TENM3: variants seen among roughly 807,000 people sequenced by gnomAD.
TENM3 encodes the protein teneurin-3.
A neutral mutation model predicts 255.1 loss-of-function variants in TENM3; 63 were observed. The observed-to-expected ratio is 0.25, with a 90% CI of 0.20 to 0.30. The LOEUF (loss-of-function observed/expected upper bound fraction) is 0.30, where lower values mean the gene tolerates loss of function less well. Ranked by LOEUF, TENM3 falls within the 10% of genes least tolerant of loss-of-function variation. TENM3 has a pLI of 1.00. For missense variants in TENM3, 2,929 were observed against 3,461.1 expected (o/e 0.85, Z 3.86); for synonymous variants, 1,306 against 1,322.3 (o/e 0.99, Z 0.27).
At chr4:182,734,712 C>T (rs1462104298) in intron 16 of TENM3, among the ~76,000 whole-genome samples, 3 of 152,098 alleles carry the variant, frequency 2.0e-5, no homozygotes, top group African/African-American at 7.2e-5. Flanking sequence ...GTTTATTTTC[C>T]CACTTTGGCT....
At chr4:182,441,175 T>G (rs1772453042) in intron 3 of TENM3, among the ~76,000 whole-genome samples, 3 of 152,158 alleles carry the variant, frequency 2.0e-5, no homozygotes, top group Non-Finnish European at 4.4e-5. Flanking sequence ...ATGTTCGGTT[T>G]TATAATCCTG....
the TENM3 span, among the ~76,000 whole-genome samples, chr4:181,573,516 A>C: frequency 6.6e-6 from 1 of 152,326 alleles, no homozygotes; most frequent in African/African-American, 2.4e-5. Flanking sequence ...ATGTGGTAAT[A>C]ATGATATAAA....
At position 182,627,654 on chromosome 4, in the gene TENM3, TGG is replaced by T. The variant is rs67359309; in HGVS notation, c.750-996_750-995del. 4.1e-4 allele frequency among the ~76,000 whole-genome samples: 63 copies of T among 152,204 alleles called. 1 individual carries two copies. On this transcript the variant is annotated intron_variant, in intron 4 of 27. Transcript: ENST00000511685. ...CTTACTGAATATACTGTATATTCAG[TGG>T]ATACTCACTGAATATACTGTAAGTA...
the TENM3 span, among the ~76,000 whole-genome samples, chr4:181,652,891 C>T: frequency 1.3e-5 from 2 of 152,184 alleles, no homozygotes; most frequent in Non-Finnish European, 1.5e-5. Flanking sequence ...CTGCTGTGAC[C>T]TTTGCCAAGA....
chr4:182,191,883 T>C (rs1430749500), intron 1 of TENM3, among the ~76,000 whole-genome samples: 1 of 152,204 alleles, frequency 6.6e-6, no homozygotes, highest in Non-Finnish European at 1.5e-5. Flanking sequence ...CATCCCCAGT[T>C]GGTTACTGTT....
the TENM3 span, among the ~76,000 whole-genome samples, chr4:181,839,358 TATATATATATATATATATATATATATAC>T: frequency 2.2e-5 from 1 of 45,924 alleles, no homozygotes; most frequent in African/African-American, 6.5e-5. Flanking sequence ...TATATATATA[TATATATATATATATATATATATATATAC>T]ACCTATATAC....
chr4:181,448,716 G>A, the TENM3 span, among the ~76,000 whole-genome samples: 19,952 of 152,138 alleles, frequency 0.13, 1,485 homozygotes, highest in East Asian at 0.27. Context: ...CAGAAGATAG[G>A]ATATGTAGAT....
At chr4:181,501,602 A>T in the TENM3 span, among the ~76,000 whole-genome samples, 15 of 151,856 alleles carry the variant, frequency 9.9e-5, 1 homozygote, top group Non-Finnish European at 1.9e-4. Flanking sequence ...CTGCTCTCGA[A>T]TTCCTGGCCT....
chr4:182,058,717 G>A, the TENM3 span, among the ~76,000 whole-genome samples: 232 of 152,044 alleles, frequency 1.5e-3, 1 homozygote, highest in African/African-American at 4.8e-3. Flanking sequence ...TATTTTTATC[G>A]AATTTATTTT....
the TENM3 span, among the ~76,000 whole-genome samples, chr4:182,122,842 C>A: frequency 6.6e-6 from 1 of 152,196 alleles, no homozygotes; most frequent in African/African-American, 2.4e-5. Context: ...GTGGCATCAT[C>A]TTCCCATGCA....
At chr4:182,464,873 C>T (rs191164682) in intron 3 of TENM3, among the ~76,000 whole-genome samples, 145 of 152,116 alleles carry the variant, frequency 9.5e-4, no homozygotes, top group African/African-American at 3.3e-3. Context: ...AATTTTTTTG[C>T]TTATTCAATT....
the TENM3 span, among the ~76,000 whole-genome samples, chr4:181,488,876 G>A: frequency 6.6e-6 from 1 of 152,188 alleles, no homozygotes; most frequent in African/African-American, 2.4e-5. Context: ...CCAAAGTAAT[G>A]GTATTTGCCT....
At chr4:182,140,678 G>A (rs1443743867), upstream of TENM3, among the ~76,000 whole-genome samples, 1 of 152,154 alleles carries the variant, frequency 6.6e-6, no homozygotes, top group Non-Finnish European at 1.5e-5. Context: ...AAGTGGCTGC[G>A]GAGACCCTCG....
intron 3 of TENM3, among the ~76,000 whole-genome samples, chr4:182,537,876 T>G (rs1740494399): frequency 1.3e-5 from 2 of 152,160 alleles, no homozygotes; most frequent in Admixed American, 1.3e-4. Flanking sequence ...TGAAATATAT[T>G]TATATGACCA....
At chr4:181,567,662 G>C in the TENM3 span, among the ~76,000 whole-genome samples, 2 of 152,144 alleles carry the variant, frequency 1.3e-5, no homozygotes, top group African/African-American at 4.8e-5. Context: ...GAATAAAGCA[G>C]AAAAATCACA....
At chr4:182,264,917 T>C (rs1759138303) in intron 1 of TENM3, among the ~76,000 whole-genome samples, 2 of 152,194 alleles carry the variant, frequency 1.3e-5, no homozygotes, top group African/African-American at 2.4e-5. Flanking sequence ...AACTTGTTTT[T>C]CTGAAAAATG....
At chr4:182,748,997 C>T (rs1762197907) in intron 19 of TENM3, among the ~76,000 whole-genome samples, 3 of 152,100 alleles carry the variant, frequency 2.0e-5, no homozygotes, top group Admixed American at 2.0e-4. Context: ...CTTTACTTCC[C>T]CACTAGGATA....
At chr4:181,867,424 C>G in the TENM3 span, among the ~76,000 whole-genome samples, 1 of 152,128 alleles carries the variant, frequency 6.6e-6, no homozygotes, top group South Asian at 2.1e-4. Flanking sequence ...AAGTATCACC[C>G]CTCCCGTTGG....
chr4:181,493,957 T>C, the TENM3 span, among the ~76,000 whole-genome samples: 5 of 152,060 alleles, frequency 3.3e-5, no homozygotes, highest in Non-Finnish European at 4.4e-5. Flanking sequence ...GAGGACTCAC[T>C]AGGCAGTATC....
Sources: allele counts gnomAD v4.1 joint callset (sites outside exome capture counted in the v4.1 genomes callset), GRCh38; gene constraint gnomAD v4.1.1; transcripts MANE v1.5; gene names NCBI Gene and HGNC (gene_info 2026-07-23, HGNC 2026-07-21).